KCNIP4: variants seen among roughly 807,000 people sequenced by gnomAD.
KCNIP4 encodes the protein Kv channel-interacting protein 4.
A neutral mutation model predicts 34.0 loss-of-function variants in KCNIP4; 12 were observed. The observed-to-expected ratio is 0.35, with a 90% CI of 0.23 to 0.57. The LOEUF (loss-of-function observed/expected upper bound fraction) is 0.57. Among genes scored for constraint, KCNIP4 ranks in the 20% least tolerant of loss-of-function variants. The pLI is 0.83. For missense variants in KCNIP4, 238 were observed against 311.7 expected, an observed-to-expected ratio of 0.76 and a Z score of 1.78; for synonymous variants, 124 against 102.2, an observed-to-expected ratio of 1.21 and a Z score of -1.29.
intron 1 of KCNIP4, among the ~76,000 whole-genome samples, chr4:21,264,570 T>C (rs1240648593): frequency 6.6e-6 from 1 of 152,188 alleles, no homozygotes; most frequent in Non-Finnish European, 1.5e-5. Context: ...ATGAAAATAC[T>C]ACACCCACCA....
intron 2 of KCNIP4, among the ~76,000 whole-genome samples, chr4:20,880,227 C>T (rs992701429): frequency 2.0e-5 from 3 of 152,040 alleles, no homozygotes; most frequent in Non-Finnish European, 4.4e-5. Flanking sequence ...GTGGCGTGCA[C>T]GTGTGTGTGG....
chr4:21,530,327 G>A (rs185837945), intron 1 of KCNIP4, among the ~76,000 whole-genome samples: 126 of 152,252 alleles, frequency 8.3e-4, no homozygotes, highest in African/African-American at 2.9e-3. Flanking sequence ...GAAACTGGGA[G>A]TAAACAAATG....
At chr4:21,754,202 C>T (rs1717350657) in intron 1 of KCNIP4, among the ~76,000 whole-genome samples, 1 of 152,104 alleles carries the variant, frequency 6.6e-6, no homozygotes, top group Non-Finnish European at 1.5e-5. Flanking sequence ...GGTTTCTGCT[C>T]AACTGTCACT....
intron 1 of KCNIP4, among the ~76,000 whole-genome samples, chr4:21,674,131 T>G (rs575913660): frequency 6.6e-6 from 1 of 152,258 alleles, no homozygotes; most frequent in African/African-American, 2.4e-5. Context: ...GTCAGCAGAG[T>G]TAAAGTGATA....
At chr4:21,643,929 TAG>T (rs1746821480) in intron 1 of KCNIP4, among the ~76,000 whole-genome samples, 1 of 84,240 alleles carries the variant, frequency 1.2e-5, no homozygotes, top group Admixed American at 2.0e-4. Flanking sequence ...GGCAGAAAGA[TAG>T]ATAGATAGAT....
At position 21,384,976 on chromosome 4, in the gene KCNIP4, C is replaced by A. The variant is rs369926853; in HGVS notation, c.62-502267G>T. Among the ~76,000 whole-genome samples the A allele has an allele frequency of 7.9e-5, 12 of 152,292 alleles. No homozygotes were observed. The East Asian group carries it at 1.9e-3, about 25-fold the overall frequency. ...AGAGGGGCGCTTTGTCTCTTTTCTG[C>A]AGATTGCCTCCCTTATTGATCTCCA... On this transcript the variant is annotated intron_variant, in intron 1 of 8. Coordinates refer to ENST00000382152, the MANE Select transcript of KCNIP4 (RefSeq NM_025221.6).
intron 1 of KCNIP4, among the ~76,000 whole-genome samples, chr4:21,774,186 C>T (rs1272812006): frequency 1.3e-5 from 2 of 152,042 alleles, no homozygotes; most frequent in African/African-American, 4.8e-5. Flanking sequence ...ATTTATCCTT[C>T]ACTTATAAAA....
intron 2 of KCNIP4, among the ~76,000 whole-genome samples, chr4:20,856,804 A>G (rs1359963431): frequency 6.6e-6 from 1 of 152,164 alleles, no homozygotes; most frequent in Non-Finnish European, 1.5e-5. Flanking sequence ...GGGGATTTTA[A>G]TTAAATTTTC....
chr4:21,015,500 A>G (rs1739423220), intron 1 of KCNIP4, among the ~76,000 whole-genome samples: 1 of 125,972 alleles, frequency 7.9e-6, no homozygotes, highest in South Asian at 2.5e-4. Flanking sequence ...AACACATTAT[A>G]GATAGCACAG....
chr4:21,510,048 A>G (rs1445816628), intron 1 of KCNIP4, among the ~76,000 whole-genome samples: 1 of 136,676 alleles, frequency 7.3e-6, no homozygotes, highest in Non-Finnish European at 1.5e-5. Flanking sequence ...TTGCACTCCC[A>G]CTTGGGGCAC....
chr4:20,830,641 T>C (rs1301609166), intron 3 of KCNIP4, among the ~76,000 whole-genome samples: 1 of 152,172 alleles, frequency 6.6e-6, no homozygotes, highest in Non-Finnish European at 1.5e-5. Context: ...ATGACATGCA[T>C]ACACTAGATG....
intron 1 of KCNIP4, among the ~76,000 whole-genome samples, chr4:21,005,045 C>T (rs1227683923): frequency 2.0e-5 from 3 of 152,228 alleles, no homozygotes; most frequent in East Asian, 1.9e-4. Context: ...AAAACTGAGA[C>T]TCATGTGAAT....
intron 1 of KCNIP4, among the ~76,000 whole-genome samples, chr4:21,036,753 A>C (rs2149772262): frequency 6.6e-6 from 1 of 152,354 alleles, no homozygotes; most frequent in Middle Eastern, 3.4e-3. Flanking sequence ...CAAACCTGCT[A>C]TATGTCTTGT....
chr4:21,549,886 G>A (rs897360507), intron 1 of KCNIP4, among the ~76,000 whole-genome samples: 8 of 152,066 alleles, frequency 5.3e-5, no homozygotes, highest in African/African-American at 1.9e-4. Context: ...GTTAAATCTG[G>A]GAGCTGAGCT....
chr4:21,811,761 C>A (rs2109271455), intron 1 of KCNIP4, among the ~76,000 whole-genome samples: 1 of 152,254 alleles, frequency 6.6e-6, no homozygotes, highest in Non-Finnish European at 1.5e-5. Flanking sequence ...GGATAAAGGT[C>A]ACAGGATAGC....
At chr4:21,211,463 G>GTCCC (rs1485568582) in intron 1 of KCNIP4, among the ~76,000 whole-genome samples, 2 of 152,050 alleles carry the variant, frequency 1.3e-5, no homozygotes, top group East Asian at 3.9e-4. Flanking sequence ...TGTGAGCTGC[G>GTCCC]TATGTGAGGG....
chr4:20,955,688 G>A (rs1733227712), intron 1 of KCNIP4, among the ~76,000 whole-genome samples: 1 of 152,138 alleles, frequency 6.6e-6, no homozygotes, highest in Admixed American at 6.5e-5. Context: ...TTGATTACCT[G>A]AGAGAGGTAA....
chr4:21,172,783 G>C (rs1311262976), intron 1 of KCNIP4, among the ~76,000 whole-genome samples: 1 of 152,112 alleles, frequency 6.6e-6, no homozygotes, highest in Non-Finnish European at 1.5e-5. Context: ...TTGAACCATA[G>C]GTGTGCTTAC....
At chr4:21,391,215 C>T (rs1722529314) in intron 1 of KCNIP4, among the ~76,000 whole-genome samples, 1 of 152,140 alleles carries the variant, frequency 6.6e-6, no homozygotes, top group South Asian at 2.1e-4. Flanking sequence ...AGAGTACCTA[C>T]TATGTTCCAA....
Sources: gnomAD v4.1 joint callset for allele counts (sites outside exome capture counted in the v4.1 genomes callset) on GRCh38, gnomAD v4.1.1 for gene constraint, MANE v1.5 for transcripts, NCBI Gene and HGNC (gene_info 2026-07-23, HGNC 2026-07-21) for gene names.